ZNF395: variants seen among roughly 807,000 people sequenced by gnomAD.
ZNF395 encodes HD gene regulatory region-binding protein 2.
ZNF395 carries 20 observed loss-of-function variants against 57.7 expected under a neutral mutation model. That is an observed-to-expected ratio of 0.35 (90% CI 0.24 to 0.50). The LOEUF (loss-of-function observed/expected upper bound fraction) is 0.50, where lower values mean the gene tolerates loss of function less well. Ranked by LOEUF, ZNF395 falls within the 20% of genes least tolerant of loss-of-function variation. The pLI is 0.97. For missense variants in ZNF395, 606 were observed against 671.2 expected, an observed-to-expected ratio of 0.90 and a Z score of 1.07; for synonymous variants, 295 against 275.9, an observed-to-expected ratio of 1.07 and a Z score of -0.69.
chr8:28,355,576 AATAATTTT>A (rs1801769523), intron 4 of ZNF395, among the ~76,000 whole-genome samples: 1 of 152,118 alleles, frequency 6.6e-6, no homozygotes. Flanking sequence ...AACTGGAGTC[AATAATTTT>A]CTTTTCTTTC....
intron 1 of ZNF395, among the ~76,000 whole-genome samples, chr8:28,362,226 G>T (rs1047575072): frequency 6.6e-6 from 1 of 152,188 alleles, no homozygotes; most frequent in South Asian, 2.1e-4. Flanking sequence ...CAGGCCTCTC[G>T]AAGTGGGTCC....
intron 1 of ZNF395, among the ~76,000 whole-genome samples, chr8:28,378,808 T>C (rs2129993821): frequency 6.6e-6 from 1 of 152,334 alleles, no homozygotes; most frequent in African/African-American, 2.4e-5. Context: ...ATCAACAGCA[T>C]TCAGCCCTAC....
At chr8:28,382,516 G>A (rs1162900495) in intron 1 of ZNF395, among the ~76,000 whole-genome samples, 1 of 152,118 alleles carries the variant, frequency 6.6e-6, no homozygotes, top group Non-Finnish European at 1.5e-5. Flanking sequence ...AGCACCCTGA[G>A]ACACCAAAAA....
At position 28,361,148 on chromosome 8, in the gene ZNF395, G is replaced by A. The variant is rs566790640; in HGVS notation, c.-24C>T. 10 of 1,609,432 alleles carry A rather than the reference G, an allele frequency of 6.2e-6. 1 individual carries two copies. In the African/African-American group the frequency reaches 8.0e-5, roughly 13 times the overall value. The stretch of plus-strand genomic sequence containing the variant: ...ATGCTGCTGCCTCTCCTCTCCTGCG[G>A]AGGCGAAGGGGACACTGAAGCCTCT... On this transcript the variant is annotated 5_prime_UTR_variant, in exon 2 of 10. Coordinates refer to ENST00000344423, the MANE Select transcript of ZNF395 (RefSeq NM_018660.3).
At chr8:28,379,600 T>C (rs750354309) in intron 1 of ZNF395, among the ~76,000 whole-genome samples, 3 of 152,142 alleles carry the variant, frequency 2.0e-5, no homozygotes, top group African/African-American at 7.2e-5. Flanking sequence ...ACGCTTTTTT[T>C]CTCCATGCCC....
At chr8:28,384,085 A>C (rs1802141706) in intron 1 of ZNF395, among the ~76,000 whole-genome samples, 1 of 152,156 alleles carries the variant, frequency 6.6e-6, no homozygotes, top group African/African-American at 2.4e-5. Context: ...ATCCCAGTGC[A>C]AACTCTGGCC....
Position 28,352,505 on chromosome 8 carries a change from A to G in ZNF395, c.920+68T>C. On this transcript the variant is annotated intron_variant, in intron 6 of 9. Transcript: ENST00000344423. The surrounding 1 kb of genome is among the most constrained non-coding windows in gnomAD (Gnocchi z 4.0). The stretch of plus-strand genomic sequence containing the variant: ...GAAAGCACTGTGGGCTGTGGGTCAC[A>G]GGGACTCGGCAGGGTGGAGGGACAC... 2 of 1,417,620 alleles carry G rather than the reference A, an allele frequency of 1.4e-6. No homozygotes were observed. The highest frequency in any genetic ancestry group is 2.0e-6 in the Non-Finnish European group (2 of 1,010,202). The allele number at this position is 1,417,620 out of a possible 1,614,324, so 87.8% of individuals were successfully genotyped here.
In ZNF395 at chr8:28,366,337, ATTCT is replaced by A. The variant is rs1469020909; in HGVS notation, c.-58-5159_-58-5156del. 5.3e-5 allele frequency among the ~76,000 whole-genome samples: 8 copies of A among 152,314 alleles called. 1 individual carries two copies. The highest frequency in any genetic ancestry group is 1.4e-4 in the African/African-American group (6 of 41,562). On this transcript the variant is annotated intron_variant, in intron 1 of 9. Coordinates refer to ENST00000344423, the MANE Select transcript of ZNF395 (RefSeq NM_018660.3). The stretch of plus-strand genomic sequence containing the variant: ...TGTTTGGTTAATATTTAACCATATC[ATTCT>A]TTATCTTTTATCAGAAAAGTGCCAA...
chr8:28,352,755 G>A lies in ZNF395; in HGVS notation c.820-82C>T. ...ACCTTACCCAGTGGGGACTCAAACT[G>A]GCTGCTGTCCCCGGCCTGACCCAAC... On this transcript the variant is annotated intron_variant, in intron 5 of 9. Transcript: ENST00000344423. The surrounding 1 kb of genome is among the most constrained non-coding windows in gnomAD (Gnocchi z 4.0). The A allele has an allele frequency of 7.9e-7, 1 of 1,269,374 alleles. No individual in the cohort carries two copies. The highest frequency in any genetic ancestry group is 1.1e-6 in the Non-Finnish European group (1 of 878,738). 78.6% of individuals were successfully genotyped at this position (1,269,374 alleles called of 1,614,324 possible).
At chr8:28,366,814 TA>T (rs5890411) in intron 1 of ZNF395, among the ~76,000 whole-genome samples, 29,973 of 133,698 alleles carry the variant, frequency 0.22, 5,646 homozygotes, top group African/African-American at 0.52. Flanking sequence ...AAAGAAAGTT[TA>T]AAAAAAAAAA....
At chr8:28,373,728 G>A (rs989905927) in intron 1 of ZNF395, among the ~76,000 whole-genome samples, 2 of 152,118 alleles carry the variant, frequency 1.3e-5, no homozygotes, top group Non-Finnish European at 2.9e-5. Context: ...AGGCCCAGAA[G>A]AGCCCTTCCC....
rs986796763 is a variant in ZNF395 at position 28,348,401 on chromosome 8, C to T, written c.*318G>A. 3 of 329,716 alleles carry T rather than the reference C, an allele frequency of 9.1e-6. No homozygotes were observed. The highest frequency in any genetic ancestry group is 6.6e-5 in the African/African-American group (3 of 45,638). The allele number at this position is 329,716 out of a possible 1,614,324, so 20.4% of individuals were successfully genotyped here. On this transcript the variant is annotated 3_prime_UTR_variant, in exon 10 of 10. Coordinates refer to ENST00000344423, the MANE Select transcript of ZNF395 (RefSeq NM_018660.3). ...TGTTCCTTCTTTTGACACGCACAAG[C>T]TAATCCCCTAGAGAGTGGGGATGTG...
intron 7 of ZNF395, 93 bp from the exon 8 acceptor site, chr8:28,350,249 G>T: frequency 9.3e-7 from 1 of 1,071,032 alleles, no homozygotes; most frequent in Non-Finnish European, 1.4e-6. Flanking sequence ...GCAGCAGAAG[G>T]TGCATCTCTG....
chr8:28,378,938 T>C (rs1349864341), intron 1 of ZNF395, among the ~76,000 whole-genome samples: 1 of 152,202 alleles, frequency 6.6e-6, no homozygotes, highest in Non-Finnish European at 1.5e-5. Flanking sequence ...GTCCCAGTCT[T>C]TCGGGTCAAA....
At chr8:28,382,858 G>A (rs1158943013) in intron 1 of ZNF395, among the ~76,000 whole-genome samples, 1 of 152,180 alleles carries the variant, frequency 6.6e-6, no homozygotes, top group Non-Finnish European at 1.5e-5. Flanking sequence ...GAGACAAGAG[G>A]TTTTTAAATG....
chr8:28,376,348 C>T (rs1462266287), intron 1 of ZNF395, among the ~76,000 whole-genome samples: 3 of 151,894 alleles, frequency 2.0e-5, no homozygotes, highest in South Asian at 4.2e-4. Flanking sequence ...AAAAAAAGGC[C>T]GGGCTCACGC....
chr8:28,358,195 C>T (rs1371124420), intron 3 of ZNF395, among the ~76,000 whole-genome samples: 19 of 143,248 alleles, frequency 1.3e-4, no homozygotes, highest in Non-Finnish European at 2.3e-4. Context: ...CACTCTGTCA[C>T]CCAGGTTGGC....
intron 7 of ZNF395, 66 bp from the exon 8 acceptor site, chr8:28,350,222 C>T (rs1330649103): frequency 5.9e-6 from 8 of 1,346,738 alleles, no homozygotes; most frequent in Non-Finnish European, 6.1e-6. Flanking sequence ...GCCCACAATC[C>T]CCACAGCCTC....
intron 1 of ZNF395, among the ~76,000 whole-genome samples, chr8:28,381,909 C>T (rs1802114265): frequency 6.6e-6 from 1 of 152,156 alleles, no homozygotes; most frequent in Admixed American, 6.5e-5. Flanking sequence ...ATTTCAAAGT[C>T]CCAGCCAGCA....
Sources: gnomAD v4.1 joint callset for allele counts (sites outside exome capture counted in the v4.1 genomes callset) on GRCh38, gnomAD v4.1.1 for gene constraint, Gnocchi (gnomAD v3.1) non-coding constraint, MANE v1.5 for transcripts, NCBI Gene and HGNC (gene_info 2026-07-23, HGNC 2026-07-21) for gene names.